Variants in LAMP3 observed in about 807,000 individuals in gnomAD.
LAMP3 encodes the protein lysosome-associated membrane glycoprotein 3.
Under a neutral mutation model 34.8 loss-of-function variants are expected in LAMP3, and 26 were observed. The ratio of observed to expected loss-of-function variants is 0.75; its 90% CI spans 0.55 to 1.04. LAMP3 has a LOEUF of 1.04. Among genes scored for constraint, LAMP3 ranks in the 50% least tolerant of loss-of-function variants. The pLI is 0.00. For synonymous variants in LAMP3, 180 were observed against 201.9 expected, an observed-to-expected ratio of 0.89 and a Z score of 0.92; for missense variants, 495 against 524.0, an observed-to-expected ratio of 0.94 and a Z score of 0.54.
chr3:183,140,436 A>AGCCCC, intron 4 of LAMP3, 102 bp downstream of exon 4: 1 of 454,844 alleles, frequency 2.2e-6, no homozygotes. Flanking sequence ...AAAAAAAAAA[A>AGCCCC]AAAGCAGCAT....
rs1719694499 is a variant in LAMP3, at chr3:183,122,541, T to C, written c.*1540A>G. ...AGCAAGTTACCACAAGATGGGGCTA[T>C]ACACTCAAGAAAGAACAGTTGGTTA... On this transcript the variant is annotated 3_prime_UTR_variant, in exon 6 of 6. Transcript: ENST00000265598. 6.6e-6 allele frequency: 1 copy of C among 152,236 alleles called. No homozygotes were observed. The highest frequency in any genetic ancestry group is 2.4e-5 in the African/African-American group (1 of 41,466). The allele number at this position is 152,236 out of a possible 1,614,324, so 9.4% of individuals were successfully genotyped here.
At chr3:183,147,927 G>T (rs1720495527) in intron 3 of LAMP3, among the ~76,000 whole-genome samples, 1 of 152,080 alleles carries the variant, frequency 6.6e-6, no homozygotes, top group Non-Finnish European at 1.5e-5. Flanking sequence ...ATGTTGCCCA[G>T]GCTGATCTCA....
At chr3:183,144,035 C>G (rs1720366953) in intron 3 of LAMP3, among the ~76,000 whole-genome samples, 1 of 152,146 alleles carries the variant, frequency 6.6e-6, no homozygotes, top group Non-Finnish European at 1.5e-5. Flanking sequence ...GTCCCCCTGT[C>G]CACTTCTGCA....
chr3:183,132,330 C>G (rs956410142), intron 5 of LAMP3: 1 of 936,728 alleles, frequency 1.1e-6, no homozygotes, highest in Non-Finnish European at 1.3e-6. Flanking sequence ...TTTAAGTAAA[C>G]AAAATTTGGG....
chr3:183,143,822 C>A (rs376069839), intron 3 of LAMP3, among the ~76,000 whole-genome samples: 2 of 152,140 alleles, frequency 1.3e-5, no homozygotes, highest in Non-Finnish European at 2.9e-5. Context: ...GAAATAAAAT[C>A]GTCTTTGGTA....
At position 183,155,320 on chromosome 3, in the gene LAMP3, TC is replaced by T. The variant is rs572310632; in HGVS notation, c.50-930del. On this transcript the variant is annotated intron_variant, in intron 1 of 5. Transcript: ENST00000265598. ...GGAGACTCATCTCTTCACAATACAG[TC>T]CTTTCCATTTTTTATCTTGTCACTT... is the stretch of plus-strand genomic sequence containing the variant. Among the ~76,000 whole-genome samples the T allele has an allele frequency of 7.7e-3, 1,180 of 152,318 alleles. 13 individuals are homozygous for T. The highest frequency in any genetic ancestry group is 0.024 in the Middle Eastern group (7 of 294).
At chr3:183,140,216 C>T (rs534742987) in intron 4 of LAMP3, among the ~76,000 whole-genome samples, 1 of 151,766 alleles carries the variant, frequency 6.6e-6, no homozygotes, top group Non-Finnish European at 1.5e-5. Context: ...AGACCAGTCT[C>T]GCCAATGTGG....
intron 5 of LAMP3, chr3:183,133,063 A>AT (rs1186632465): frequency 9.4e-6 from 4 of 425,564 alleles, no homozygotes; most frequent in African/African-American, 2.1e-5. Context: ...AGAGGGGAAG[A>AT]TGGAGCTGTT....
intron 4 of LAMP3, among the ~76,000 whole-genome samples, chr3:183,138,944 C>T (rs1404261324): frequency 1.3e-5 from 2 of 152,158 alleles, no homozygotes; most frequent in Non-Finnish European, 2.9e-5. Flanking sequence ...AAGGGCTTCC[C>T]TAGGCCCAGA....
At chr3:183,128,999 G>T (rs1576868272) in intron 5 of LAMP3, among the ~76,000 whole-genome samples, 1 of 152,146 alleles carries the variant, frequency 6.6e-6, no homozygotes, top group East Asian at 1.9e-4. Context: ...ATATCTGCCT[G>T]GCGACAGAGC....
At position 183,152,275 on chromosome 3, in the gene LAMP3, G is replaced by T. The variant is rs780800207; in HGVS notation, c.888+100C>A. 7.1e-6 allele frequency: 9 copies of T among 1,272,276 alleles called. No individual in the cohort carries two copies. In the Admixed American group the frequency reaches 1.7e-4, roughly 24 times the overall value. The allele number at this position is 1,272,276 out of a possible 1,614,324, so 78.8% of individuals were successfully genotyped here. Reference sequence around the variant, plus strand: ...CAAACCCCTCATTCTTATCAGCAAAGATCTCAAACTGAAGTGTGGGGTTGC... The same window carrying T: ...CAAACCCCTCATTCTTATCAGCAAATATCTCAAACTGAAGTGTGGGGTTGC... On this transcript the variant is annotated intron_variant, in intron 3 of 5. Transcript: ENST00000265598.
intron 1 of LAMP3, among the ~76,000 whole-genome samples, chr3:183,158,593 G>T (rs1239290397): frequency 5.9e-5 from 9 of 151,924 alleles, no homozygotes; most frequent in African/African-American, 1.2e-4. Context: ...GCATGAAGAG[G>T]CGTTAGAAGG....
At position 183,132,824 on chromosome 3, in the gene LAMP3, C is replaced by T. The variant is rs565205004; in HGVS notation, c.1117+2893G>A. Reference sequence around the variant, plus strand: ...TTTGAAGAAAGTGGGGCTTTACATGCGTTCATATCCTCTACTGGGCCTCTT... The same window carrying T: ...TTTGAAGAAAGTGGGGCTTTACATGTGTTCATATCCTCTACTGGGCCTCTT... On this transcript the variant is annotated intron_variant, in intron 5 of 5. Coordinates refer to ENST00000265598, the MANE Select transcript of LAMP3 (RefSeq NM_014398.4). The T allele has an allele frequency of 2.9e-5, 29 of 985,422 alleles. No individual in the cohort carries two copies. The African/African-American group carries it at 3.1e-4, about 11-fold the overall frequency. 61.0% of individuals were successfully genotyped at this position (985,422 alleles called of 1,614,324 possible). A position where few individuals can be genotyped will look rare whatever the true frequency, so the allele number is the denominator to read the frequency against.
At chr3:183,129,372 T>G (rs572107220) in intron 5 of LAMP3, among the ~76,000 whole-genome samples, 1 of 152,310 alleles carries the variant, frequency 6.6e-6, no homozygotes, top group East Asian at 1.9e-4. Flanking sequence ...AAATATATCT[T>G]CATTCTATTT....
intron 5 of LAMP3, among the ~76,000 whole-genome samples, chr3:183,129,916 A>T (rs2108595495): frequency 6.6e-6 from 1 of 152,284 alleles, no homozygotes; most frequent in East Asian, 1.9e-4. Flanking sequence ...ATCCAATATG[A>T]ATGGTATCCT....
At chr3:183,152,607 G>A (rs1720675768) in intron 2 of LAMP3, 104 bp from the exon 3 acceptor site, 7 of 1,044,758 alleles carry the variant, frequency 6.7e-6, no homozygotes, top group Non-Finnish European at 9.5e-6. Flanking sequence ...TAAGGCTGAG[G>A]ATTCGCTGGA....
At chr3:183,132,463 T>C in intron 5 of LAMP3, 4 of 983,566 alleles carry the variant, frequency 4.1e-6, no homozygotes, top group Non-Finnish European at 4.8e-6. Flanking sequence ...ATCAGTCAAT[T>C]TGTAAACGTC....
chr3:183,160,015 C>G (rs906062465), intron 1 of LAMP3, among the ~76,000 whole-genome samples: 3 of 152,202 alleles, frequency 2.0e-5, no homozygotes, highest in Non-Finnish European at 4.4e-5. Context: ...ATGTCGGATC[C>G]TAATGACGGA....
intron 5 of LAMP3, chr3:183,132,195 C>G: frequency 1.0e-6 from 1 of 985,324 alleles, no homozygotes; most frequent in Non-Finnish European, 1.2e-6. Flanking sequence ...TTGCCATGAT[C>G]TTTGATATGT....
Sources: allele counts gnomAD v4.1 joint callset (sites outside exome capture counted in the v4.1 genomes callset), GRCh38; gene constraint gnomAD v4.1.1; transcripts MANE v1.5; gene names NCBI Gene and HGNC (gene_info 2026-07-23, HGNC 2026-07-21).